The following CTLA4 variants were observed in gnomAD, a reference collection of about 807,000 sequenced individuals.
The protein encoded by CTLA4 is cytotoxic T-lymphocyte associated protein 4.
Under a neutral mutation model 20.4 loss-of-function variants are expected in CTLA4, and 3 were observed. That is an observed-to-expected ratio of 0.15 (90% CI 0.07 to 0.38). The LOEUF (loss-of-function observed/expected upper bound fraction) is 0.38, where lower values mean the gene tolerates loss of function less well. CTLA4 is among the 10% of genes least tolerant of loss of function. The pLI is 1.00. For synonymous variants in CTLA4, 100 were observed against 105.2 expected, an observed-to-expected ratio of 0.95 and a Z score of 0.30; for missense variants, 184 against 276.8, an observed-to-expected ratio of 0.66 and a Z score of 2.38.
Position 203,870,436 on chromosome 2 carries a change from G to A in CTLA4, c.110-150G>A, listed in dbSNP as rs563497748. On this transcript the variant is annotated intron_variant, in intron 1 of 3. Coordinates refer to ENST00000648405, the MANE Select transcript of CTLA4 (RefSeq NM_005214.5). This position sits in a 1 kb window ranked among gnomAD's most constrained non-coding sequence, Gnocchi z 5.3. ...AGTTGAGAGATGGAGGGGAGGCTGG[G>A]GGTGTGGAGAGGGGAAGGGGTAAGT... is the stretch of plus-strand genomic sequence containing the variant. The A allele has an allele frequency of 4.4e-6, 3 of 681,414 alleles. No individual in the cohort carries two copies. In the South Asian group the frequency reaches 5.8e-5, roughly 13 times the overall value. The allele number at this position is 681,414 out of a possible 1,614,324, so 42.2% of individuals were successfully genotyped here.
chr2:203,871,227 A>G, intron 2 of CTLA4, 151 bp from the exon 3 acceptor site: 1 of 678,168 alleles, frequency 1.5e-6, no homozygotes, highest in Non-Finnish European at 2.5e-6. Context: ...GTAGTCCCAA[A>G]TAGCCAAACC....
chr2:203,871,538 G>GT, intron 3 of CTLA4, 51 bp downstream of exon 3: 1 of 1,365,870 alleles, frequency 7.3e-7, no homozygotes, highest in South Asian at 1.2e-5. Context: ...ACCTTTAGTG[G>GT]TATCAACTGG....
intron 2 of CTLA4, 98 bp from the exon 3 acceptor site, chr2:203,871,280 C>A: frequency 9.5e-7 from 1 of 1,056,722 alleles, no homozygotes; most frequent in Non-Finnish European, 1.4e-6. Context: ...GACCTCAAGG[C>A]CTGGAAGCTC....
At position 203,867,793 on chromosome 2, in the gene CTLA4, G is replaced by A. The variant is rs1391679563; in HGVS notation, c.-150G>A. 1.9e-6 allele frequency: 1 copy of A among 526,566 alleles called. No homozygotes were observed. Among genetic ancestry groups the A allele is most frequent in the Non-Finnish European group, 3.4e-6 (1 of 296,314 alleles). The allele number at this position is 526,566 out of a possible 1,614,324, so 32.6% of individuals were successfully genotyped here. A position where few individuals can be genotyped will look rare whatever the true frequency, so the allele number is the denominator to read the frequency against. ...AAGGCTTTCTATTCAAGTGCCTTCT[G>A]TGTGTGCACATGTGTAATACATATC... On this transcript the variant is annotated 5_prime_UTR_variant, in exon 1 of 4. In the 5' UTR this introduces an upstream ATG that the reference lacks. Transcript: ENST00000648405.
chr2:203,872,222 TTCTC>T (rs1177129383), intron 3 of CTLA4, among the ~76,000 whole-genome samples: 1 of 151,858 alleles, frequency 6.6e-6, no homozygotes, highest in Non-Finnish European at 1.5e-5. Flanking sequence ...TTCTCGCTCT[TTCTC>T]TCTCTCTCTT....
chr2:203,871,326 C>T, intron 2 of CTLA4, 52 bp from the exon 3 acceptor site: 2 of 1,477,392 alleles, frequency 1.4e-6, no homozygotes, highest in Non-Finnish European at 1.9e-6. Context: ...GGGAGTAGAG[C>T]CCTAGAGTTT....
chr2:203,872,681 A>T (rs777277372), intron 3 of CTLA4, 27 bp from the exon 4 acceptor site: 15 of 1,422,232 alleles, frequency 1.1e-5, no homozygotes, highest in Middle Eastern at 1.8e-4. Flanking sequence ...CTCAGTAGTA[A>T]TTACTGTTTC....
chr2:203,870,526 C>T lies in CTLA4; in HGVS notation c.110-60C>T. 1.3e-6 allele frequency: 2 copies of T among 1,571,424 alleles called. No individual in the cohort carries two copies. The highest frequency in any genetic ancestry group is 1.7e-5 in the Admixed American group (1 of 58,436). On this transcript the variant is annotated intron_variant, in intron 1 of 3. Transcript: ENST00000648405. The surrounding 1 kb of genome is among the most constrained non-coding windows in gnomAD (Gnocchi z 5.3). Reference sequence around the variant, plus strand: ...GAAGCTAGAAGGCAGAAGGGCTTGCCTGGGCTTGGCCATGAAGGAGCATGA... The same window carrying T: ...GAAGCTAGAAGGCAGAAGGGCTTGCTTGGGCTTGGCCATGAAGGAGCATGA...
chr2:203,867,936 T>A lies in CTLA4; in HGVS notation c.-7T>A. The A allele has an allele frequency of 6.2e-7, 1 of 1,612,446 alleles. No individual in the cohort carries two copies. The highest frequency in any genetic ancestry group is 8.5e-7 in the Non-Finnish European group (1 of 1,178,466). ...CCTGAAGACCTGAACACCGCTCCCATAAAGCCATGGCTTGCCTTGGATTTC... is the reference window on the plus strand; with the variant it reads ...CCTGAAGACCTGAACACCGCTCCCAAAAAGCCATGGCTTGCCTTGGATTTC... On this transcript the variant is annotated 5_prime_UTR_variant, in exon 1 of 4. Coordinates refer to ENST00000648405, the MANE Select transcript of CTLA4 (RefSeq NM_005214.5).
chr2:203,872,117 T>A (rs1688744150), intron 3 of CTLA4, among the ~76,000 whole-genome samples: 1 of 152,228 alleles, frequency 6.6e-6, no homozygotes, highest in Non-Finnish European at 1.5e-5. Context: ...GGATTTCTTT[T>A]TGACAGTCCC....
chr2:203,871,782 A>G (rs942002742), intron 3 of CTLA4, among the ~76,000 whole-genome samples: 5 of 152,200 alleles, frequency 3.3e-5, no homozygotes, highest in African/African-American at 9.7e-5. Flanking sequence ...CTTTGTCTTC[A>G]TGACAACTGT....
Position 203,870,041 on chromosome 2 carries a change from G to A in CTLA4, c.110-545G>A, listed in dbSNP as rs151127713. On this transcript the variant is annotated intron_variant, in intron 1 of 3. Transcript: ENST00000648405. This position sits in a 1 kb window ranked among gnomAD's most constrained non-coding sequence, Gnocchi z 5.3. ...TGCATCAAGACACAGCTACTCCTGG[G>A]TGACAGAGGTTCAGGGCCAGCTCAC... is the stretch of plus-strand genomic sequence containing the variant. 6.6e-6 allele frequency among the ~76,000 whole-genome samples: 1 copy of A among 152,288 alleles called. No individual in the cohort carries two copies. The highest frequency in any genetic ancestry group is 1.5e-5 in the Non-Finnish European group (1 of 68,024).
chr2:203,873,028 C>A lies in CTLA4; in HGVS notation c.*216C>A. 1 of 586,676 alleles carries A rather than the reference C, an allele frequency of 1.7e-6. No homozygotes were observed. The highest frequency in any genetic ancestry group is 2.2e-5 in the South Asian group (1 of 45,206). 36.3% of individuals were successfully genotyped at this position (586,676 alleles called of 1,614,324 possible). Reference sequence around the variant, plus strand: ...CTGGGATGTTTCTGTCACATCAGCTCCACTTTCAGTGAAAGCATCACTTGG... The same window carrying A: ...CTGGGATGTTTCTGTCACATCAGCTACACTTTCAGTGAAAGCATCACTTGG... On this transcript the variant is annotated 3_prime_UTR_variant, in exon 4 of 4. Transcript: ENST00000648405.
At chr2:203,871,239 A>G (rs990401492) in intron 2 of CTLA4, 139 bp from the exon 3 acceptor site, 22 of 710,554 alleles carry the variant, frequency 3.1e-5, no homozygotes, top group Middle Eastern at 6.6e-4. Context: ...AGCCAAACCT[A>G]TTGGTGGGCT....
chr2:203,871,081 T>C, intron 2 of CTLA4, 148 bp downstream of exon 2: 1 of 713,898 alleles, frequency 1.4e-6, no homozygotes, highest in Non-Finnish European at 2.3e-6. Flanking sequence ...TAGCCTTGCT[T>C]ATTGTGGGTG....
At chr2:203,871,974 G>A (rs231780) in intron 3 of CTLA4, among the ~76,000 whole-genome samples, 147,555 of 152,234 alleles carry the variant, frequency 0.97, 71,681 homozygotes, top group East Asian at 1. Context: ...ACCTATCCCT[G>A]TTATCCAGTT....
At chr2:203,871,007 T>A in intron 2 of CTLA4, 74 bp downstream of exon 2, 1 of 1,215,944 alleles carries the variant, frequency 8.2e-7, no homozygotes, top group Non-Finnish European at 1.2e-6. Flanking sequence ...GTTTTGTTCC[T>A]TAATTTCAGG....
rs148281316 is a variant in CTLA4 at position 203,872,490 on chromosome 2, A to G, written c.568-218A>G. Among the ~76,000 whole-genome samples, 320 of 152,314 alleles carry G rather than the reference A, an allele frequency of 2.1e-3. 2 individuals are homozygous for G. Among genetic ancestry groups the G allele is most frequent in the African/African-American group, 7.5e-3 (311 of 41,566 alleles). On this transcript the variant is annotated intron_variant, in intron 3 of 3. Coordinates refer to ENST00000648405, the MANE Select transcript of CTLA4 (RefSeq NM_005214.5). ...GTCTCTTTCTCCTATCTTCCATTCA[A>G]GGCAAATGATTGCCATTTAACATCA...
At position 203,873,307 on chromosome 2, in the gene CTLA4, A is replaced by C; in HGVS notation, c.*495A>C. On this transcript the variant is annotated 3_prime_UTR_variant, in exon 4 of 4. Coordinates refer to ENST00000648405, the MANE Select transcript of CTLA4 (RefSeq NM_005214.5). ...GGCTATGTTTTAGCCAGTGATGCTA[A>C]AGGTTGTATTGCATATATACATATA... The C allele has an allele frequency of 7.6e-6, 2 of 262,938 alleles. No homozygotes were observed. The highest frequency in any genetic ancestry group is 5.2e-5 in the East Asian group (1 of 19,372). The allele number at this position is 262,938 out of a possible 1,614,324, so 16.3% of individuals were successfully genotyped here.
Sources: allele counts gnomAD v4.1 joint callset (sites outside exome capture counted in the v4.1 genomes callset), GRCh38; gene constraint gnomAD v4.1.1; non-coding constraint Gnocchi (gnomAD v3.1); transcripts MANE v1.5; gene names NCBI Gene and HGNC (gene_info 2026-07-23, HGNC 2026-07-21).